Variants in SLC13A3 observed in about 807,000 individuals in gnomAD.
SLC13A3 encodes Na(+)/dicarboxylate cotransporter 3.
SLC13A3 carries 40 observed loss-of-function variants against 59.0 expected under a neutral mutation model. That is an observed-to-expected ratio of 0.68 (90% CI 0.53 to 0.88). The LOEUF (loss-of-function observed/expected upper bound fraction) is 0.88. Among genes scored for constraint, SLC13A3 ranks in the 40% least tolerant of loss-of-function variants. The pLI is 0.00. For missense variants in SLC13A3, 699 were observed against 783.2 expected (o/e 0.89, Z 1.28); for synonymous variants, 317 against 330.3 (o/e 0.96, Z 0.44).
At chr20:46,563,297 T>A (rs2061947237) in intron 12 of SLC13A3, 117 bp downstream of exon 12, 3 of 1,186,740 alleles carry the variant, frequency 2.5e-6, no homozygotes, top group Non-Finnish European at 3.5e-6. Flanking sequence ...CTCAGAAAGA[T>A]CTATTCAGAG....
At chr20:46,615,284 T>C (rs1429919280) in intron 1 of SLC13A3, among the ~76,000 whole-genome samples, 3 of 152,100 alleles carry the variant, frequency 2.0e-5, no homozygotes, top group Admixed American at 6.6e-5. Flanking sequence ...TTATAGTAAG[T>C]TTTGTTAACT....
chr20:46,601,615 G>A (rs2062381013), intron 3 of SLC13A3, among the ~76,000 whole-genome samples: 1 of 152,232 alleles, frequency 6.6e-6, no homozygotes, highest in African/African-American at 2.4e-5. Context: ...AAATGAAGAT[G>A]CATGCCATGC....
intron 1 of SLC13A3, among the ~76,000 whole-genome samples, chr20:46,634,152 C>A (rs1457214378): frequency 6.6e-6 from 1 of 152,202 alleles, no homozygotes; most frequent in Non-Finnish European, 1.5e-5. Flanking sequence ...CAGCTCTTCC[C>A]AGGCTCTGGT....
At chr20:46,652,616 G>A (rs998510010), upstream of SLC13A3, among the ~76,000 whole-genome samples, 2 of 147,902 alleles carry the variant, frequency 1.4e-5, no homozygotes, top group African/African-American at 2.5e-5. Flanking sequence ...GGCTGGTCTC[G>A]AACTCCTGGC....
Position 46,592,652 on chromosome 20 carries a change from T to C in SLC13A3, c.795-123A>G, listed in dbSNP as rs1315207953. ...GGAATGAGAGGGTCCCATGGAAGTC[T>C]TGGGAACAGTGTTTTCCACCAATTC... On this transcript the variant is annotated intron_variant, in intron 5 of 12. Coordinates refer to ENST00000279027, the MANE Select transcript of SLC13A3 (RefSeq NM_022829.6). 8.3e-6 allele frequency: 8 copies of C among 959,238 alleles called. No individual in the cohort carries two copies. In the Admixed American group the frequency reaches 1.5e-4, roughly 18 times the overall value. The allele number at this position is 959,238 out of a possible 1,614,324, so 59.4% of individuals were successfully genotyped here. A position where few individuals can be genotyped will look rare whatever the true frequency, so the allele number is the denominator to read the frequency against.
At chr20:46,619,530 C>A (rs2062594434) in intron 1 of SLC13A3, among the ~76,000 whole-genome samples, 2 of 152,186 alleles carry the variant, frequency 1.3e-5, no homozygotes, top group African/African-American at 2.4e-5. Flanking sequence ...TATGTCACTC[C>A]CCTGCTCAAA....
In SLC13A3 at chr20:46,559,768, C is replaced by T. The variant is rs952345885; in HGVS notation, c.*254G>A. 4.4e-6 allele frequency: 2 copies of T among 449,980 alleles called. No individual in the cohort carries two copies. The highest frequency in any genetic ancestry group is 3.9e-5 in the African/African-American group (2 of 51,208). 27.9% of individuals were successfully genotyped at this position (449,980 alleles called of 1,614,324 possible). ...GCTGTCTTGTATCCTAATGATAAAA[C>T]AGCTAACTGATAAAGGAGCTTATTT... On this transcript the variant is annotated 3_prime_UTR_variant, in exon 13 of 13. Transcript: ENST00000279027.
intron 9 of SLC13A3, among the ~76,000 whole-genome samples, chr20:46,576,125 A>C (rs927080698): frequency 6.6e-6 from 1 of 151,848 alleles, no homozygotes; most frequent in Non-Finnish European, 1.5e-5. Flanking sequence ...ATTTCCTCGC[A>C]AGTGGCAGCG....
intron 1 of SLC13A3, among the ~76,000 whole-genome samples, chr20:46,656,788 T>C (rs1026261683): frequency 2.6e-5 from 4 of 152,026 alleles, no homozygotes; most frequent in African/African-American, 9.7e-5. Flanking sequence ...CCCCTGTCCC[T>C]GCAGCTCTAT....
chr20:46,683,696 ACT>A (rs1159917129), intron 1 of SLC13A3, among the ~76,000 whole-genome samples: 2 of 150,962 alleles, frequency 1.3e-5, no homozygotes, highest in Non-Finnish European at 2.9e-5. Flanking sequence ...TCTTCACCTC[ACT>A]CTTTGTGGGT....
chr20:46,667,442 T>C (rs2122924950), intron 1 of SLC13A3, among the ~76,000 whole-genome samples: 1 of 152,320 alleles, frequency 6.6e-6, no homozygotes, highest in South Asian at 2.1e-4. Context: ...AGTACAATAT[T>C]TAGCATTAGA....
chr20:46,656,326 G>A (rs189220819), upstream of SLC13A3, among the ~76,000 whole-genome samples: 23 of 108,020 alleles, frequency 2.1e-4, no homozygotes, highest in East Asian at 2.0e-3. Context: ...TACTGTATAT[G>A]ATATACTATA....
intron 3 of SLC13A3, among the ~76,000 whole-genome samples, chr20:46,607,269 C>G (rs1568933547): frequency 6.6e-6 from 1 of 152,180 alleles, no homozygotes; most frequent in Non-Finnish European, 1.5e-5. Context: ...GAGCTCAGCT[C>G]ACATGATGAT....
intron 1 of SLC13A3, among the ~76,000 whole-genome samples, chr20:46,636,832 ACT>A (rs2062800479): frequency 1.4e-5 from 2 of 146,780 alleles, no homozygotes; most frequent in African/African-American, 2.5e-5. Context: ...TTTGAGACAG[ACT>A]CTGTCACCCA....
chr20:46,589,817 C>A lies in SLC13A3; in HGVS notation c.921-562G>T, dbSNP rs143307328. ...CCATGTGGAAAAGAATGAATCTGGA[C>A]CCCTACCTCACACCAAATACAAAAT... On this transcript the variant is annotated intron_variant, in intron 6 of 12. Coordinates refer to ENST00000279027, the MANE Select transcript of SLC13A3 (RefSeq NM_022829.6). Among the ~76,000 whole-genome samples the A allele has an allele frequency of 3.0e-4, 45 of 152,248 alleles. 1 individual carries two copies. Among genetic ancestry groups the A allele is most frequent in the African/African-American group, 1.1e-3 (45 of 41,546 alleles).
chr20:46,598,208 A>C (rs1339756342), intron 4 of SLC13A3, among the ~76,000 whole-genome samples: 1 of 152,196 alleles, frequency 6.6e-6, no homozygotes, highest in Non-Finnish European at 1.5e-5. Context: ...CCCAGAGGGC[A>C]ATGTGGACAT....
At chr20:46,602,309 T>G (rs552607696) in intron 3 of SLC13A3, among the ~76,000 whole-genome samples, 79 of 152,248 alleles carry the variant, frequency 5.2e-4, no homozygotes, top group African/African-American at 1.6e-3. Flanking sequence ...GCACTCCACC[T>G]TGGGTGACAG....
In SLC13A3 at chr20:46,651,392, C is replaced by G; in HGVS notation, c.30G>C (p.Lys10Asn). 1.3e-6 allele frequency: 2 copies of G among 1,501,086 alleles called. No homozygotes were observed. The highest frequency in any genetic ancestry group is 1.8e-6 in the Non-Finnish European group (2 of 1,129,590). The allele number at this position is 1,501,086 out of a possible 1,614,324, so 93.0% of individuals were successfully genotyped here. A position where few individuals can be genotyped will look rare whatever the true frequency, so the allele number is the denominator to read the frequency against. MAALAAAAKKVWSARRLLVL... is the reference protein window; with the variant it reads MAALAAAAKNVWSARRLLVL... ...CCAGCAGCCGCCGCGCGCTCCACAC[C>G]TTCTTGGCCGCTGCTGCCAGCGCCG... The change falls in exon 1 of 13, where the codon AAG (lysine) becomes AAC (asparagine). Residue 10 changes from lysine to asparagine, a missense_variant. Lys to Asn is a moderately conservative substitution (Grantham distance 94, BLOSUM62 0). Coordinates refer to ENST00000279027, the MANE Select transcript of SLC13A3 (RefSeq NM_022829.6).
At chr20:46,578,468 G>A (rs1001062913) in intron 9 of SLC13A3, among the ~76,000 whole-genome samples, 4 of 151,736 alleles carry the variant, frequency 2.6e-5, no homozygotes, top group African/African-American at 9.7e-5. Context: ...CTGAGGTCAG[G>A]AGTTCAAGAT....
Sources: gnomAD v4.1 joint callset for allele counts (sites outside exome capture counted in the v4.1 genomes callset) on GRCh38, gnomAD v4.1.1 for gene constraint, MANE v1.5 for transcripts, NCBI Gene and HGNC (gene_info 2026-07-23, HGNC 2026-07-21) for gene names.